Variants in GALNT13 observed in about 807,000 individuals in gnomAD.
GALNT13 encodes UDP-GalNAc:polypeptide N-acetylgalactosaminyltransferase 13.
Under a neutral mutation model 64.2 loss-of-function variants are expected in GALNT13, and 28 were observed. The ratio of observed to expected loss-of-function variants is 0.44; its 90% confidence interval spans 0.32 to 0.60. GALNT13 has a LOEUF of 0.60. Among genes scored for constraint, GALNT13 ranks in the 20% least tolerant of loss-of-function variants. The pLI, the probability that GALNT13 is intolerant of heterozygous loss-of-function variation, is 0.05. For synonymous variants in GALNT13, 214 were observed against 224.6 expected, an observed-to-expected ratio of 0.95 and a Z score of 0.42; for missense variants, 577 against 669.8, an observed-to-expected ratio of 0.86 and a Z score of 1.53.
At chr2:153,957,746 T>C (rs1174015954) in intron 3 of GALNT13, among the ~76,000 whole-genome samples, 1 of 152,202 alleles carries the variant, frequency 6.6e-6, no homozygotes, top group African/African-American at 2.4e-5. Context: ...ACAATTGTAC[T>C]TTTTGGCTAT....
chr2:153,437,506 G>C, the GALNT13 span, among the ~76,000 whole-genome samples: 1 of 152,100 alleles, frequency 6.6e-6, no homozygotes, highest in Non-Finnish European at 1.5e-5. Flanking sequence ...GAATCTGGGT[G>C]CTCCTGTATT....
intron 2 of GALNT13, among the ~76,000 whole-genome samples, chr2:153,907,175 A>T (rs1688623486): frequency 1.3e-5 from 2 of 150,560 alleles, no homozygotes; most frequent in Non-Finnish European, 3.0e-5. Flanking sequence ...GGTTGCGAAA[A>T]TTTTCTCCCA....
At position 154,369,635 on chromosome 2, in the gene GALNT13, C is replaced by T. The variant is rs144645358; in HGVS notation, c.1157-26356C>T. Among the ~76,000 whole-genome samples the T allele has an allele frequency of 3.6e-4, 55 of 152,194 alleles. No homozygotes were observed. The East Asian group carries it at 0.01, about 28-fold the overall frequency. On this transcript the variant is annotated intron_variant, in intron 9 of 12. Transcript: ENST00000392825. Reference sequence around the variant, plus strand: ...GGACAAAGCCCTCATGAGCCAGTCTCCTCTTAAAGTGCCACAGTAGAGATT... The same window carrying T: ...GGACAAAGCCCTCATGAGCCAGTCTTCTCTTAAAGTGCCACAGTAGAGATT...
intron 9 of GALNT13, among the ~76,000 whole-genome samples, chr2:154,314,874 C>A (rs1694243865): frequency 6.6e-6 from 1 of 152,130 alleles, no homozygotes; most frequent in African/African-American, 2.4e-5. Flanking sequence ...TAGTACTCAT[C>A]TTTGCCTGGA....
chr2:153,351,174 A>G, the GALNT13 span, among the ~76,000 whole-genome samples: 22 of 152,264 alleles, frequency 1.4e-4, no homozygotes, highest in African/African-American at 5.1e-4. Flanking sequence ...GTGCAACTTT[A>G]CTTACTAGAG....
At chr2:153,728,774 CA>C in the GALNT13 span, among the ~76,000 whole-genome samples, 1 of 152,158 alleles carries the variant, frequency 6.6e-6, no homozygotes, top group African/African-American at 2.4e-5. Flanking sequence ...AGAGAAGAAT[CA>C]AATAGACACA....
intron 4 of GALNT13, among the ~76,000 whole-genome samples, chr2:154,213,339 C>A (rs958522582): frequency 6.6e-6 from 1 of 152,116 alleles, no homozygotes; most frequent in Non-Finnish European, 1.5e-5. Flanking sequence ...CCCAGCCTCC[C>A]AAATTGCTGG....
At chr2:154,049,989 G>A (rs1699495979) in intron 3 of GALNT13, among the ~76,000 whole-genome samples, 1 of 151,862 alleles carries the variant, frequency 6.6e-6, no homozygotes, top group Admixed American at 6.6e-5. Flanking sequence ...TGTATTAAAT[G>A]TTTATTATAT....
chr2:154,006,642 A>T (rs1168377068), intron 3 of GALNT13, among the ~76,000 whole-genome samples: 2 of 152,216 alleles, frequency 1.3e-5, no homozygotes, highest in African/African-American at 4.8e-5. Context: ...AATAAATTTT[A>T]CAACACAATG....
At chr2:153,743,181 C>T in the GALNT13 span, among the ~76,000 whole-genome samples, 1 of 151,958 alleles carries the variant, frequency 6.6e-6, no homozygotes, top group Non-Finnish European at 1.5e-5. Flanking sequence ...ATATTCTTTT[C>T]CATAGAGGTT....
chr2:154,360,574 C>T (rs1456027728), intron 9 of GALNT13, among the ~76,000 whole-genome samples: 1 of 152,186 alleles, frequency 6.6e-6, no homozygotes, highest in Admixed American at 6.6e-5. Flanking sequence ...TGTTTTGCTA[C>T]TGGAATTATT....
intron 3 of GALNT13, among the ~76,000 whole-genome samples, chr2:154,036,609 TTATG>T (rs1319070194): frequency 1.3e-5 from 2 of 152,170 alleles, no homozygotes; most frequent in Non-Finnish European, 2.9e-5. Flanking sequence ...GTGTACATGT[TTATG>T]TATGCACACC....
chr2:154,313,820 T>A (rs1320215852), intron 9 of GALNT13, among the ~76,000 whole-genome samples: 1 of 152,116 alleles, frequency 6.6e-6, no homozygotes, highest in African/African-American at 2.4e-5. Context: ...CATTTATATA[T>A]CTTGCTTCTG....
the GALNT13 span, among the ~76,000 whole-genome samples, chr2:153,738,234 A>G: frequency 6.6e-6 from 1 of 151,842 alleles, no homozygotes; most frequent in African/African-American, 2.4e-5. Context: ...TGTAATTTAC[A>G]GTTTCTGTTT....
chr2:153,718,473 C>T, the GALNT13 span, among the ~76,000 whole-genome samples: 5 of 148,882 alleles, frequency 3.4e-5, no homozygotes, highest in East Asian at 7.8e-4. Flanking sequence ...AGAAGTTATT[C>T]GTTAAACATT....
intron 4 of GALNT13, among the ~76,000 whole-genome samples, chr2:154,206,956 C>T (rs1049773173): frequency 6.6e-6 from 1 of 152,144 alleles, no homozygotes; most frequent in Admixed American, 6.5e-5. Flanking sequence ...ATGCCCTGTT[C>T]TAGAGCTTTA....
At chr2:153,765,357 A>G in the GALNT13 span, among the ~76,000 whole-genome samples, 2 of 152,218 alleles carry the variant, frequency 1.3e-5, no homozygotes, top group African/African-American at 4.8e-5. Context: ...TGTGAGACAT[A>G]GAGTCAAAGT....
At chr2:154,257,289 G>A (rs1245940019) in intron 7 of GALNT13, among the ~76,000 whole-genome samples, 1 of 152,100 alleles carries the variant, frequency 6.6e-6, no homozygotes, top group Non-Finnish European at 1.5e-5. Context: ...AAATTAAAAT[G>A]TGCCAGTACT....
intron 4 of GALNT13, among the ~76,000 whole-genome samples, chr2:154,144,478 G>A (rs1683449813): frequency 6.6e-6 from 1 of 152,052 alleles, no homozygotes; most frequent in Admixed American, 6.6e-5. Flanking sequence ...AAAAGAATAG[G>A]ATTCTAAAAT....
Sources: allele counts gnomAD v4.1 joint callset (sites outside exome capture counted in the v4.1 genomes callset), GRCh38; gene constraint gnomAD v4.1.1; transcripts MANE v1.5; gene names NCBI Gene and HGNC (gene_info 2026-07-23, HGNC 2026-07-21).